The following PARPBP variants were observed in gnomAD, a reference collection of about 807,000 sequenced individuals.
The protein encoded by PARPBP is PARP1 binding protein.
PARPBP carries 52 observed loss-of-function variants against 50.0 expected under a neutral mutation model. That is an observed-to-expected ratio of 1.04 (90% CI 0.83 to 1.31). The LOEUF (loss-of-function observed/expected upper bound fraction) is 1.31. Among genes scored for constraint, PARPBP ranks in the 50% most tolerant of loss-of-function variants. The pLI is 0.00. For synonymous variants in PARPBP, 244 were observed against 232.1 expected (o/e 1.05, Z -0.47); for missense variants, 697 against 672.0 (o/e 1.04, Z -0.41).
At chr12:102,154,907 G>A (rs1886671281) in intron 4 of PARPBP, 1 of 436,434 alleles carries the variant, frequency 2.3e-6, no homozygotes, top group African/African-American at 2.0e-5. Flanking sequence ...TTCTAAGGGT[G>A]GCCACCTATG....
chr12:102,178,130 G>A (rs1482867097), intron 7 of PARPBP, among the ~76,000 whole-genome samples: 1 of 152,186 alleles, frequency 6.6e-6, no homozygotes, highest in Non-Finnish European at 1.5e-5. Context: ...TTGGGACATA[G>A]TATATGCTTA....
chr12:102,153,945 C>T lies in PARPBP; in HGVS notation c.464C>T (p.Pro155Leu), dbSNP rs1172062679. 6.2e-7 allele frequency: 1 copy of T among 1,603,360 alleles called. No homozygotes were observed. The highest frequency in any genetic ancestry group is 1.3e-5 in the African/African-American group (1 of 74,780). ...DETDLSIPTS[P>L]TSKYNRDNEK... The stretch of plus-strand genomic sequence containing the variant: ...ACTGATCTTTCTATACCAACATCAC[C>T]AACAAGTAAATACAACCGTGATAAT... The change falls in exon 4 of 11, where the codon CCA becomes CTA. Residue 155 changes from proline (P) to leucine (L), a missense_variant. Transcript: ENST00000327680.
chr12:102,173,894 GATATGTTCTTC>G (rs1204469961), intron 6 of PARPBP, among the ~76,000 whole-genome samples: 1 of 146,434 alleles, frequency 6.8e-6, no homozygotes, highest in Non-Finnish European at 1.5e-5. Flanking sequence ...TCTCTTCGGT[GATATGTTCTTC>G]AGGGTATCTA....
intron 8 of PARPBP, among the ~76,000 whole-genome samples, chr12:102,180,057 A>G (rs1475278725): frequency 6.6e-6 from 1 of 152,068 alleles, no homozygotes; most frequent in Admixed American, 6.6e-5. Context: ...GTTGTCATCT[A>G]TTCCTTAAAA....
chr12:102,165,314 C>T (rs2139628111), intron 5 of PARPBP, among the ~76,000 whole-genome samples: 1 of 152,182 alleles, frequency 6.6e-6, no homozygotes, highest in South Asian at 2.1e-4. Context: ...TTAAATTGCC[C>T]AACCAATTCA....
In PARPBP at chr12:102,155,599, G is replaced by GGC. The variant is rs1555216777; in HGVS notation, c.495+1624_495+1625insCG. Among the ~76,000 whole-genome samples, 10 of 126,914 alleles carry GGC rather than the reference G, an allele frequency of 7.9e-5. 1 individual carries two copies. The highest frequency in any genetic ancestry group is 8.4e-5 in the Non-Finnish European group (5 of 59,768). The allele number at this position is 126,914 out of a possible 152,430, so 83.3% of individuals were successfully genotyped here. A position where few individuals can be genotyped will look rare whatever the true frequency, so the allele number is the denominator to read the frequency against. On this transcript the variant is annotated intron_variant, in intron 4 of 10. Coordinates refer to ENST00000327680, the MANE Select transcript of PARPBP (RefSeq NM_017915.5). ...TCTATCGCCTGAGAGCATGGTGGGG[G>GGC]GGGGGGGCGGGGACAATGATTGGAA...
intron 3 of PARPBP, among the ~76,000 whole-genome samples, chr12:102,152,797 C>CTGCACTCCAG (rs1886381858): frequency 7.0e-6 from 1 of 143,792 alleles, no homozygotes; most frequent in African/African-American, 2.9e-5. Flanking sequence ...GGGTTCCCAA[C>CTGCACTCCAG]CCTTTGGTAG....
intron 9 of PARPBP, among the ~76,000 whole-genome samples, chr12:102,188,503 C>T (rs1295026455): frequency 3.3e-5 from 5 of 152,044 alleles, no homozygotes; most frequent in Non-Finnish European, 5.9e-5. Flanking sequence ...CAGCTCATTC[C>T]TTGATTGTAT....
At chr12:102,136,622 CA>C (rs1230303065) in intron 2 of PARPBP, among the ~76,000 whole-genome samples, 1 of 152,102 alleles carries the variant, frequency 6.6e-6, no homozygotes, top group Non-Finnish European at 1.5e-5. Context: ...TGTGAAAGTT[CA>C]GACTCTGGGT....
intron 2 of PARPBP, among the ~76,000 whole-genome samples, chr12:102,129,028 T>C (rs562869299): frequency 1.3e-5 from 2 of 152,350 alleles, no homozygotes; most frequent in East Asian, 3.9e-4. Flanking sequence ...TGGTTTCCAT[T>C]TGCATTTTTC....
chr12:102,197,107 T>C lies in PARPBP; in HGVS notation c.*816T>C, dbSNP rs1290509239. On this transcript the variant is annotated 3_prime_UTR_variant, in exon 11 of 11. Transcript: ENST00000327680. ...AGCTACAGATCCTTTTAGTGCAAGA[T>C]AAGGTTTTATAGCCAGATTCAGTGG... 4 of 1,612,308 alleles carry C rather than the reference T, an allele frequency of 2.5e-6. No homozygotes were observed. The highest frequency in any genetic ancestry group is 1.1e-5 in the South Asian group (1 of 91,038).
At position 102,196,548 on chromosome 12, in the gene PARPBP, G is replaced by C. The variant is rs1370094996; in HGVS notation, c.*257G>C. Reference sequence around the variant, plus strand: ...CTTAACACTACTTTCTTTTAAAACAGACATTTAACATACACAAGTTATAGT... The same window carrying C: ...CTTAACACTACTTTCTTTTAAAACACACATTTAACATACACAAGTTATAGT... On this transcript the variant is annotated 3_prime_UTR_variant, in exon 11 of 11. Coordinates refer to ENST00000327680, the MANE Select transcript of PARPBP (RefSeq NM_017915.5). 3 of 866,672 alleles carry C rather than the reference G, an allele frequency of 3.5e-6. No individual in the cohort carries two copies. Among genetic ancestry groups the C allele is most frequent in the Non-Finnish European group, 5.9e-6 (3 of 510,266 alleles). 53.7% of individuals were successfully genotyped at this position (866,672 alleles called of 1,614,324 possible).
chr12:102,121,639 C>G (rs1437982641), intron 1 of PARPBP, among the ~76,000 whole-genome samples: 1 of 149,822 alleles, frequency 6.7e-6, no homozygotes, highest in Non-Finnish European at 1.5e-5. Context: ...CTGCAACTTC[C>G]GCCTCCCTGG....
chr12:102,138,457 C>A (rs565712519), intron 2 of PARPBP, among the ~76,000 whole-genome samples: 1 of 152,160 alleles, frequency 6.6e-6, no homozygotes, highest in African/African-American at 2.4e-5. Context: ...CTGTAGGTTG[C>A]CTGTTTACTC....
At position 102,148,464 on chromosome 12, in the gene PARPBP, G is replaced by GT; in HGVS notation, c.387+2dup. 1 of 1,153,156 alleles carries GT rather than the reference G, an allele frequency of 8.7e-7. No individual in the cohort carries two copies. The highest frequency in any genetic ancestry group is 2.5e-5 in the East Asian group (1 of 40,622). 71.4% of individuals were successfully genotyped at this position (1,153,156 alleles called of 1,614,324 possible). A position where few individuals can be genotyped will look rare whatever the true frequency, so the allele number is the denominator to read the frequency against. On this transcript the variant is annotated splice_donor_variant, in intron 3 of 10. Transcript: ENST00000327680. LOFTEE classifies it high-confidence loss of function. ...TGAAAATTATAACACAGTATCTCCT[G>GT]TAAGTATTTTTTAAACAATTCTATT...
In PARPBP at chr12:102,153,854, CTA is replaced by C. The variant is rs753201260; in HGVS notation, c.388-13_388-12del. The stretch of plus-strand genomic sequence containing the variant: ...AGCATAGCATTTTATTAGTAATACT[CTA>C]TGTTTTCTACAGAGTCAACTACTGG... On this transcript the variant is annotated splice_polypyrimidine_tract_variant and intron_variant, in intron 3 of 10. Coordinates refer to ENST00000327680, the MANE Select transcript of PARPBP (RefSeq NM_017915.5). The C allele has an allele frequency of 1.2e-5, 16 of 1,380,546 alleles. No individual in the cohort carries two copies. The highest frequency in any genetic ancestry group is 2.8e-5 in the African/African-American group (2 of 70,480). The allele number at this position is 1,380,546 out of a possible 1,614,324, so 85.5% of individuals were successfully genotyped here. A position where few individuals can be genotyped will look rare whatever the true frequency, so the allele number is the denominator to read the frequency against.
At chr12:102,129,640 C>T (rs911041651) in intron 2 of PARPBP, among the ~76,000 whole-genome samples, 2 of 152,094 alleles carry the variant, frequency 1.3e-5, no homozygotes, top group African/African-American at 4.8e-5. Flanking sequence ...GCCAATGAGC[C>T]TGGAATGTTT....
intron 4 of PARPBP, 135 bp from the exon 5 acceptor site, chr12:102,164,303 G>C: frequency 1.5e-6 from 1 of 651,352 alleles, no homozygotes; most frequent in East Asian, 2.8e-5. Flanking sequence ...GTTTTTATAT[G>C]GCAGTTTTAT....
At chr12:102,171,985 G>C (rs1888801998) in intron 6 of PARPBP, among the ~76,000 whole-genome samples, 2 of 152,114 alleles carry the variant, frequency 1.3e-5, no homozygotes, top group Admixed American at 1.3e-4. Context: ...TCTTGAGTAT[G>C]GTATGGAAAA....
Sources: allele counts gnomAD v4.1 joint callset (sites outside exome capture counted in the v4.1 genomes callset), GRCh38; gene constraint gnomAD v4.1.1; transcripts MANE v1.5; gene names NCBI Gene and HGNC (gene_info 2026-07-23, HGNC 2026-07-21).